Variants in TEAD1 observed in about 807,000 individuals in gnomAD.
TEAD1 encodes transcriptional enhancer factor TEF-1.
TEAD1 carries 9 observed loss-of-function variants against 54.9 expected under a neutral mutation model. The ratio of observed to expected loss-of-function variants is 0.16; its 90% CI spans 0.10 to 0.29. TEAD1 has a LOEUF of 0.29. Ranked by LOEUF, TEAD1 falls within the 10% of genes least tolerant of loss-of-function variation. The pLI is 1.00. For synonymous variants in TEAD1, 200 were observed against 187.8 expected (o/e 1.07, Z -0.53); for missense variants, 387 against 535.9 (o/e 0.72, Z 2.74).
At chr11:12,876,192 C>G (rs569738456) in intron 5 of TEAD1, among the ~76,000 whole-genome samples, 2 of 152,252 alleles carry the variant, frequency 1.3e-5, no homozygotes, top group South Asian at 2.1e-4. Context: ...AGAAAAAGAT[C>G]ATGTTCTGAA....
intron 2 of TEAD1, among the ~76,000 whole-genome samples, chr11:12,704,279 C>T (rs138106334): frequency 1.5e-4 from 23 of 152,276 alleles, no homozygotes; most frequent in African/African-American, 5.1e-4. Flanking sequence ...CCACTGTTTT[C>T]CTTCTGAGAA....
chr11:12,751,156 G>A (rs1262148082), intron 2 of TEAD1, among the ~76,000 whole-genome samples: 2 of 152,096 alleles, frequency 1.3e-5, no homozygotes, highest in African/African-American at 4.8e-5. Flanking sequence ...GAAATAATTA[G>A]CTGGGCATGG....
chr11:12,868,062 C>A (rs59339880), intron 5 of TEAD1, among the ~76,000 whole-genome samples: 1 of 152,168 alleles, frequency 6.6e-6, no homozygotes, highest in Non-Finnish European at 1.5e-5. Flanking sequence ...ACCAGACTTG[C>A]ATTTGTCTGT....
At chr11:12,810,045 A>G (rs563720610) in intron 3 of TEAD1, among the ~76,000 whole-genome samples, 2 of 143,574 alleles carry the variant, frequency 1.4e-5, no homozygotes, top group East Asian at 2.0e-4. Flanking sequence ...CAGTTGTGCA[A>G]TCTTAGCTCA....
intron 2 of TEAD1, among the ~76,000 whole-genome samples, chr11:12,704,124 G>T (rs550609521): frequency 8.5e-5 from 13 of 152,194 alleles, no homozygotes; most frequent in African/African-American, 2.9e-4. Context: ...GGCTGAGTTG[G>T]CGTTGTGTTT....
At chr11:12,808,610 C>T (rs1358554291) in intron 3 of TEAD1, among the ~76,000 whole-genome samples, 2 of 152,194 alleles carry the variant, frequency 1.3e-5, no homozygotes, top group Non-Finnish European at 2.9e-5. Flanking sequence ...CCACCCCTCC[C>T]CACTGCCCTC....
intron 2 of TEAD1, among the ~76,000 whole-genome samples, chr11:12,763,150 C>G (rs1309066962): frequency 6.6e-6 from 1 of 152,140 alleles, no homozygotes; most frequent in African/African-American, 2.4e-5. Flanking sequence ...TGACGTTATG[C>G]CAGTTTGACA....
intron 9 of TEAD1, 28 bp from the exon 10 acceptor site, chr11:12,901,912 T>G: frequency 6.2e-7 from 1 of 1,614,154 alleles, no homozygotes; most frequent in Non-Finnish European, 8.5e-7. Context: ...GAGTTTGTAA[T>G]GGGAATGTTT....
At chr11:12,746,735 T>C (rs1236132650) in intron 2 of TEAD1, among the ~76,000 whole-genome samples, 2 of 152,204 alleles carry the variant, frequency 1.3e-5, no homozygotes, top group African/African-American at 4.8e-5. Flanking sequence ...CCCACTGTTA[T>C]TTTTGTGGTA....
At chr11:12,773,778 G>A (rs750551190) in intron 3 of TEAD1, among the ~76,000 whole-genome samples, 2 of 152,166 alleles carry the variant, frequency 1.3e-5, no homozygotes, top group Non-Finnish European at 2.9e-5. Flanking sequence ...TTTTAACAGC[G>A]AAAGTTTTAA....
At chr11:12,868,544 C>A (rs1947671999) in intron 5 of TEAD1, among the ~76,000 whole-genome samples, 1 of 152,162 alleles carries the variant, frequency 6.6e-6, no homozygotes. Context: ...TCCTGAAAAT[C>A]CGTTAGAATA....
chr11:12,714,327 C>G (rs1412878994), intron 2 of TEAD1, among the ~76,000 whole-genome samples: 1 of 152,154 alleles, frequency 6.6e-6, no homozygotes, highest in East Asian at 1.9e-4. Context: ...CTGTCTTTGT[C>G]CCCAGCAGCT....
intron 2 of TEAD1, among the ~76,000 whole-genome samples, chr11:12,712,770 T>C (rs1338656818): frequency 6.6e-6 from 1 of 152,182 alleles, no homozygotes; most frequent in African/African-American, 2.4e-5. Flanking sequence ...ATCCAGTATC[T>C]TTGGGATTGA....
intron 2 of TEAD1, among the ~76,000 whole-genome samples, chr11:12,681,787 C>A (rs968032406): frequency 2.0e-5 from 3 of 152,256 alleles, no homozygotes; most frequent in African/African-American, 7.2e-5. Flanking sequence ...TGCGTGTTCT[C>A]ACTCACCTTT....
rs558044586 is a variant in TEAD1 at position 12,680,870 on chromosome 11, G to A, written c.-55+5309G>A. On this transcript the variant is annotated intron_variant, in intron 2 of 12. Transcript: ENST00000527636. ...GGCAGCAACAGGCGGCAGAACTTGG[G>A]GCACCATATGGCGGATGTGGGCCTC... 2.6e-5 allele frequency among the ~76,000 whole-genome samples: 4 copies of A among 152,290 alleles called. No homozygotes were observed. The South Asian group carries it at 8.3e-4, about 32-fold the overall frequency.
chr11:12,678,278 T>C (rs1351048089), intron 2 of TEAD1, among the ~76,000 whole-genome samples: 1 of 152,224 alleles, frequency 6.6e-6, no homozygotes, highest in Admixed American at 6.5e-5. Context: ...TGACTGGAAC[T>C]GCAAACTGCT....
chr11:12,911,027 G>C (rs77994042), intron 10 of TEAD1, among the ~76,000 whole-genome samples: 1 of 152,282 alleles, frequency 6.6e-6, no homozygotes, highest in Middle Eastern at 3.4e-3. Flanking sequence ...GATTACAGGC[G>C]TGAGCCACCA....
At position 12,925,474 on chromosome 11, in the gene TEAD1, G is replaced by A. The variant is rs561199955; in HGVS notation, c.1014+422G>A. Reference sequence around the variant, plus strand: ...CCAGGCCCCTCCTCTGACATGTGGGGATTACGATTCGAGTTGAGATTTGGG... The same window carrying A: ...CCAGGCCCCTCCTCTGACATGTGGGAATTACGATTCGAGTTGAGATTTGGG... On this transcript the variant is annotated intron_variant, in intron 11 of 12. Coordinates refer to ENST00000527636, the MANE Select transcript of TEAD1 (RefSeq NM_021961.6). Among the ~76,000 whole-genome samples, 219 of 152,316 alleles carry A rather than the reference G, an allele frequency of 1.4e-3. 1 individual carries two copies. Among genetic ancestry groups the A allele is most frequent in the African/African-American group, 5.1e-3 (210 of 41,568 alleles).
At chr11:12,679,020 T>C (rs61455000) in intron 2 of TEAD1, among the ~76,000 whole-genome samples, 7,374 of 152,246 alleles carry the variant, frequency 0.048, 574 homozygotes, top group African/African-American at 0.17. Context: ...GGTCCACTGA[T>C]TTTTTGCATA....
Sources: gnomAD v4.1 joint callset for allele counts (sites outside exome capture counted in the v4.1 genomes callset) on GRCh38, gnomAD v4.1.1 for gene constraint, MANE v1.5 for transcripts, NCBI Gene and HGNC (gene_info 2026-07-23, HGNC 2026-07-21) for gene names.